LILRA2: variants seen among roughly 807,000 people sequenced by gnomAD.
LILRA2 encodes the protein leukocyte immunoglobulin like receptor A2, also known as leukocyte immunoglobulin-like receptor subfamily A member 2.
In LILRA2, 45 loss-of-function variants were observed where a neutral mutation model predicts 47.9. That is an observed-to-expected ratio of 0.94 (90% CI 0.74 to 1.20). The LOEUF (loss-of-function observed/expected upper bound fraction) is 1.20, where lower values mean the gene tolerates loss of function less well. Ranked by LOEUF, LILRA2 falls within the 50% of genes most tolerant of loss-of-function variation. The pLI is 0.00. For missense variants in LILRA2, 651 were observed against 598.2 expected, an observed-to-expected ratio of 1.09 and a Z score of -0.92; for synonymous variants, 279 against 249.2, an observed-to-expected ratio of 1.12 and a Z score of -1.13.
At chr19:54,580,375 CA>C (rs1224849952) in intron 6 of LILRA2, among the ~76,000 whole-genome samples, 125 of 86,258 alleles carry the variant, frequency 1.4e-3, no homozygotes, top group Non-Finnish European at 2.0e-3. Flanking sequence ...CCACAGTCCC[CA>C]GAGTGTGATA....
intron 6 of LILRA2, among the ~76,000 whole-genome samples, chr19:54,582,257 G>A (rs1386336371): frequency 2.6e-5 from 4 of 151,962 alleles, no homozygotes; most frequent in African/African-American, 7.2e-5. Context: ...GTGTGTCTAC[G>A]AGGCTTTGGT....
chr19:54,579,753 C>T (rs1382560468), intron 6 of LILRA2, among the ~76,000 whole-genome samples: 3 of 152,012 alleles, frequency 2.0e-5, no homozygotes, highest in Non-Finnish European at 4.4e-5. Flanking sequence ...ATGGAATGTT[C>T]TTCCATTTGT....
At position 54,573,893 on chromosome 19, in the gene LILRA2, C is replaced by T; in HGVS notation, c.15C>T (p.Leu5=). MTPI[L]TVLICLGLSL... Reference sequence around the variant, plus strand: ...GAGGAGACGCCATGACCCCCATCCTCACGGTCCTGATCTGTCTCGGTGAGA... The same window carrying T: ...GAGGAGACGCCATGACCCCCATCCTTACGGTCCTGATCTGTCTCGGTGAGA... The change falls in exon 1 of 8, where the codon CTC becomes CTT. Residue 5 remains leucine (L), a synonymous_variant. Coordinates refer to ENST00000391738, the MANE Select transcript of LILRA2 (RefSeq NM_001130917.3). 2 of 1,614,204 alleles carry T rather than the reference C, an allele frequency of 1.2e-6. No homozygotes were observed. The highest frequency in any genetic ancestry group is 1.7e-6 in the Non-Finnish European group (2 of 1,180,032).
At chr19:54,586,889 G>C (rs754544064) in intron 6 of LILRA2, 121 bp from the exon 7 acceptor site, 5 of 642,156 alleles carry the variant, frequency 7.8e-6, no homozygotes, top group African/African-American at 3.6e-5. Context: ...TGCTACAGCA[G>C]AGGAAGGGTT....
Position 54,586,896 on chromosome 19 carries a change from G to A in LILRA2, c.1256-114G>A. On this transcript the variant is annotated intron_variant, in intron 6 of 7. Transcript: ENST00000391738. Reference sequence around the variant, plus strand: ...GGGAACCCTGCTACAGCAGAGGAAGGGTTTATTGAGGAACTCCATAAAACT... The same window carrying A: ...GGGAACCCTGCTACAGCAGAGGAAGAGTTTATTGAGGAACTCCATAAAACT... 7.4e-6 allele frequency: 5 copies of A among 673,968 alleles called. No individual in the cohort carries two copies. The South Asian group carries it at 1.1e-4, about 14-fold the overall frequency. 41.7% of individuals were successfully genotyped at this position (673,968 alleles called of 1,614,324 possible). A position where few individuals can be genotyped will look rare whatever the true frequency, so the allele number is the denominator to read the frequency against.
In LILRA2 at chr19:54,575,468, G is replaced by A. The variant is rs368237647; in HGVS notation, c.868G>A (p.Gly290Arg). The A allele has an allele frequency of 2.8e-5, 45 of 1,613,512 alleles. No homozygotes were observed. The highest frequency in any genetic ancestry group is 1.1e-4 in the East Asian group (5 of 44,888). The change falls in exon 5 of 8, where the codon GGG becomes AGG. Residue 290 changes from glycine (G) to arginine (R), a missense_variant. By Grantham distance (125) the Gly-to-Arg change is moderately radical. Transcript: ENST00000391738. The part of the protein sequence containing the change: ...FTLGPVSPSH[G>R]GQYRCYSAHN... Reference sequence around the variant, plus strand: ...CCTGGGCCCTGTGAGCCCCTCCCACGGGGGCCAGTACAGATGCTACAGTGC... The same window carrying A: ...CCTGGGCCCTGTGAGCCCCTCCCACAGGGGCCAGTACAGATGCTACAGTGC...
At chr19:54,587,170 C>T in intron 7 of LILRA2, 31 bp from the exon 8 acceptor site, 6 of 1,613,550 alleles carry the variant, frequency 3.7e-6, no homozygotes, top group Non-Finnish European at 5.1e-6. Context: ...TGATTCCGAT[C>T]TGCCCTGACC....
chr19:54,589,278 TA>T lies in LILRA2; in HGVS notation c.*1933del, dbSNP rs1327656763. The T allele has an allele frequency of 2.0e-5, 3 of 152,082 alleles. No homozygotes were observed. The highest frequency in any genetic ancestry group is 6.5e-5 in the Admixed American group (1 of 15,280). 9.4% of individuals were successfully genotyped at this position (152,082 alleles called of 1,614,324 possible). A position where few individuals can be genotyped will look rare whatever the true frequency, so the allele number is the denominator to read the frequency against. ...GGGCTCAGGATTTCAACGTGTATATTAGGGGGAACAAGTCAATTTATGACAG... is the reference window on the plus strand; with the variant it reads ...GGGCTCAGGATTTCAACGTGTATATTGGGGGAACAAGTCAATTTATGACAG... On this transcript the variant is annotated 3_prime_UTR_variant, in exon 8 of 8. Transcript: ENST00000391738.
At chr19:54,582,080 G>C (rs2062655939) in intron 6 of LILRA2, among the ~76,000 whole-genome samples, 1 of 152,122 alleles carries the variant, frequency 6.6e-6, no homozygotes, top group Admixed American at 6.5e-5. Context: ...ATTACATTTA[G>C]TGATTTGCCT....
intron 6 of LILRA2, among the ~76,000 whole-genome samples, chr19:54,576,324 CG>C (rs1480107151): frequency 5.8e-5 from 1 of 17,142 alleles, no homozygotes; most frequent in Non-Finnish European, 1.8e-4. Context: ...TGGGAGGAGA[CG>C]GGGGCGGGGG....
At chr19:54,576,158 C>T (rs1446326911) in intron 6 of LILRA2, 49 bp downstream of exon 6, 3 of 1,606,290 alleles carry the variant, frequency 1.9e-6, no homozygotes, top group Non-Finnish European at 1.7e-6. Context: ...TCAGCTCAGG[C>T]CCTGCCCCCA....
chr19:54,575,402 G>T lies in LILRA2; in HGVS notation c.802G>T (p.Gly268Cys). 1 of 1,614,054 alleles carries T rather than the reference G, an allele frequency of 6.2e-7. No homozygotes were observed. Among genetic ancestry groups the T allele is most frequent in the East Asian group, 2.2e-5 (1 of 44,856 alleles). The change falls in exon 5 of 8, where the codon GGT (glycine) becomes TGT (cysteine). Residue 268 changes from glycine (G) to cysteine (C), a missense_variant. Transcript: ENST00000391738. ...EGERDFLQRP[G>C]WQPQAGLSQA... ...AGAACGTGACTTCCTCCAGCGCCCT[G>T]GTTGGCAGCCCCAGGCTGGGCTCTC...
intron 6 of LILRA2, among the ~76,000 whole-genome samples, chr19:54,576,823 G>A (rs2062463844): frequency 6.6e-6 from 1 of 152,282 alleles, no homozygotes; most frequent in South Asian, 2.1e-4. Flanking sequence ...AGGTGGGGCT[G>A]GGTCTGTGAT....
chr19:54,576,586 TGG>T (rs1242482427), intron 6 of LILRA2, among the ~76,000 whole-genome samples: 1,844 of 151,804 alleles, frequency 0.012, 1 homozygote, highest in African/African-American at 0.043. Context: ...AGTAAGGGTG[TGG>T]TCTGCGTGGC....
chr19:54,587,109 T>A, intron 7 of LILRA2, 49 bp downstream of exon 7: 6 of 1,611,108 alleles, frequency 3.7e-6, no homozygotes, highest in Non-Finnish European at 5.1e-6. Context: ...GAGGGTCAGG[T>A]CCTGTAAAGG....
chr19:54,573,555 G>A (rs2062213130), upstream of LILRA2: 1 of 791,478 alleles, frequency 1.3e-6, no homozygotes, highest in Non-Finnish European at 2.1e-6. Flanking sequence ...GGCAGACGCA[G>A]GAGGGCACCA....
chr19:54,579,891 C>T (rs924974855), intron 6 of LILRA2, among the ~76,000 whole-genome samples: 23 of 152,150 alleles, frequency 1.5e-4, no homozygotes, highest in African/African-American at 5.1e-4. Flanking sequence ...GGAGTTCACT[C>T]ATGACTTGGC....
intron 6 of LILRA2, chr19:54,577,467 C>T: frequency 7.8e-7 from 1 of 1,282,286 alleles, no homozygotes; most frequent in Non-Finnish European, 1.0e-6. Flanking sequence ...TTTCCAAGAG[C>T]CCCTGAGTAT....
intron 7 of LILRA2, 65 bp from the exon 8 acceptor site, chr19:54,587,136 G>C (rs369013109): frequency 6.2e-7 from 1 of 1,610,912 alleles, no homozygotes. Flanking sequence ...GGGTGCCCTG[G>C]GTGGACATAC....
Sources: gnomAD v4.1 joint callset for allele counts (sites outside exome capture counted in the v4.1 genomes callset) on GRCh38, gnomAD v4.1.1 for gene constraint, MANE v1.5 for transcripts, NCBI Gene and HGNC (gene_info 2026-07-23, HGNC 2026-07-21) for gene names.